DOCK6: variants seen among roughly 807,000 people sequenced by gnomAD.
DOCK6 encodes the protein dedicator of cytokinesis protein 6.
A neutral mutation model predicts 230.3 loss-of-function variants in DOCK6; 167 were observed. That is an observed-to-expected ratio of 0.73 (90% confidence interval 0.64 to 0.82). The LOEUF (loss-of-function observed/expected upper bound fraction) is 0.82. DOCK6 is among the 40% of genes least tolerant of loss of function. DOCK6 has a pLI of 0.00. For synonymous variants in DOCK6, 1,148 were observed against 1,185.0 expected (o/e 0.97, Z 0.64); for missense variants, 2,598 against 2,825.8 (o/e 0.92, Z 1.83).
chr19:11,211,968 G>T, intron 36 of DOCK6, 25 bp downstream of exon 36: 1 of 1,587,936 alleles, frequency 6.3e-7, no homozygotes, highest in Non-Finnish European at 8.6e-7. Flanking sequence ...AAGGGGAGGC[G>T]GGGCGGGGAC....
In DOCK6 at chr19:11,241,439, C is replaced by T. The variant is rs757450296; in HGVS notation, c.1643+606G>A. On this transcript the variant is annotated intron_variant, in intron 14 of 47. Coordinates refer to ENST00000294618, the MANE Select transcript of DOCK6 (RefSeq NM_020812.4). ...TCGGCTGAGGTTTCCATTCTGACCC[C>T]CACAGGCTCACGCTGACAAGCAGAG... The T allele has an allele frequency of 6.5e-6, 10 of 1,543,856 alleles. No individual in the cohort carries two copies. In the South Asian group the frequency reaches 9.5e-5, roughly 15 times the overall value.
At chr19:11,242,617 C>T (rs1393153630) in intron 13 of DOCK6, among the ~76,000 whole-genome samples, 1 of 151,986 alleles carries the variant, frequency 6.6e-6, no homozygotes, top group African/African-American at 2.4e-5. Flanking sequence ...GTCTCAAACT[C>T]CTGACCTCAA....
In DOCK6 at chr19:11,253,950, C is replaced by A. The variant is rs555819127; in HGVS notation, c.45-224G>T. On this transcript the variant is annotated intron_variant, in intron 1 of 47. Coordinates refer to ENST00000294618, the MANE Select transcript of DOCK6 (RefSeq NM_020812.4). ...ATGAGAATGCTGCCACCAGTGGGGT[C>A]TGAAGCCATCACGGACTCTCCTTCC... 5 of 448,338 alleles carry A rather than the reference C, an allele frequency of 1.1e-5. No individual in the cohort carries two copies. In the East Asian group the frequency reaches 1.6e-4, roughly 14 times the overall value. 27.8% of individuals were successfully genotyped at this position (448,338 alleles called of 1,614,324 possible).
chr19:11,262,400 T>C lies in DOCK6; in HGVS notation c.41A>G (p.Asn14Ser), dbSNP rs2080306304. The change falls in exon 1 of 48, where the codon AAC (asparagine) becomes AGC (serine). Residue 14 changes from asparagine to serine, a missense_variant. Physicochemically the swap from Asn to Ser is conservative, Grantham distance 46. Transcript: ENST00000294618. ...GGGGGCCCCGCGGCCACACTACCTG[T>C]TGATCTTGTGCGCGAAGGCGCGGCG... ...SERRAFAHKI[N>S]RTVAAEVRKQ... The C allele has an allele frequency of 1.6e-6, 2 of 1,282,372 alleles. No individual in the cohort carries two copies. The highest frequency in any genetic ancestry group is 1.5e-5 in the African/African-American group (1 of 65,482). 79.4% of individuals were successfully genotyped at this position (1,282,372 alleles called of 1,614,324 possible).
chr19:11,224,801 C>A (rs8101801), intron 24 of DOCK6, among the ~76,000 whole-genome samples: 21,425 of 151,870 alleles, frequency 0.14, 2,513 homozygotes, highest in African/African-American at 0.3. Context: ...ATGGTGGCTC[C>A]TGCCTGTAAT....
At chr19:11,235,788 A>G in intron 20 of DOCK6, 29 bp from the exon 21 acceptor site, 1 of 1,561,784 alleles carries the variant, frequency 6.4e-7, no homozygotes. Flanking sequence ...GTCAAGTTCC[A>G]GGGCCCAAGG....
Position 11,200,066 on chromosome 19 carries a change from C to T in DOCK6, c.6101+242G>A, listed in dbSNP as rs2079141736. Among the ~76,000 whole-genome samples, 1 of 149,742 alleles carries T rather than the reference C, an allele frequency of 6.7e-6. No individual in the cohort carries two copies. Among genetic ancestry groups the T allele is most frequent in the African/African-American group, 2.5e-5 (1 of 40,582 alleles). On this transcript the variant is annotated intron_variant, in intron 47 of 47. Transcript: ENST00000294618. This position sits in a 1 kb window ranked among gnomAD's most constrained non-coding sequence, Gnocchi z 4.3. ...TCAGGAGGCTGAGGCAGGAGACTCG[C>T]TTGAATCTGGGAGGCGGAGGTTGCA...
chr19:11,234,947 A>G (rs535057124), intron 21 of DOCK6, among the ~76,000 whole-genome samples: 1 of 143,950 alleles, frequency 6.9e-6, no homozygotes, highest in Admixed American at 6.9e-5. Flanking sequence ...TTTCTTTCTT[A>G]TTTTTTTTTT....
intron 1 of DOCK6, among the ~76,000 whole-genome samples, chr19:11,256,755 G>A (rs2080203523): frequency 6.6e-6 from 1 of 152,182 alleles, no homozygotes; most frequent in Non-Finnish European, 1.5e-5. Context: ...TCAGCTCACT[G>A]CAACCTCCAC....
rs376149847 is a variant in DOCK6, at chr19:11,238,078, C to T, written c.1799G>A (p.Arg600His). The change falls in exon 16 of 48, where the codon CGC becomes CAC. Residue 600 changes from arginine to histidine, a missense_variant. Arg to His is a conservative substitution (Grantham distance 29, BLOSUM62 0). Transcript: ENST00000294618. ...FGKSSCSEFT[R>H]EAFTPVVYHN... is the part of the protein sequence containing the mutation. ...GTAGACCACCGGTGTGAAGGCCTCGCGGGTAAATTCACTGCAGCTGGACTT... is the reference window on the plus strand; with the variant it reads ...GTAGACCACCGGTGTGAAGGCCTCGTGGGTAAATTCACTGCAGCTGGACTT... 36 of 1,613,778 alleles carry T rather than the reference C, an allele frequency of 2.2e-5. No individual in the cohort carries two copies. The highest frequency in any genetic ancestry group is 2.1e-4 in the African/African-American group (16 of 74,882).
chr19:11,211,582 CAG>C (rs2147742336), intron 37 of DOCK6, among the ~76,000 whole-genome samples, 192 bp downstream of exon 37: 2 of 24,540 alleles, frequency 8.1e-5, no homozygotes, highest in African/African-American at 2.5e-4. Context: ...CCTGTCTGCT[CAG>C]CTGTCTGCTC....
intron 9 of DOCK6, among the ~76,000 whole-genome samples, chr19:11,245,232 A>C (rs1026022066): frequency 1.9e-4 from 29 of 152,216 alleles, no homozygotes; most frequent in African/African-American, 6.8e-4. Flanking sequence ...ATCTCAAATG[A>C]GGGTGCCAAC....
At chr19:11,225,725 C>T (rs1362905816) in intron 24 of DOCK6, among the ~76,000 whole-genome samples, 7 of 150,652 alleles carry the variant, frequency 4.6e-5, no homozygotes. Flanking sequence ...AAAACAAAAC[C>T]ACACACAAAA....
chr19:11,261,846 C>CA lies in DOCK6; in HGVS notation c.44+550_44+551insT, dbSNP rs200384465. On this transcript the variant is annotated intron_variant, in intron 1 of 47. Coordinates refer to ENST00000294618, the MANE Select transcript of DOCK6 (RefSeq NM_020812.4). Reference sequence around the variant, plus strand: ...GGCGTCCACAGCTGTCCCCCTTCCCCCCCCCCGACAGCTGGGCACTGGACC... The same window carrying CA: ...GGCGTCCACAGCTGTCCCCCTTCCCCACCCCCCGACAGCTGGGCACTGGACC... Among the ~76,000 whole-genome samples, 1,386 of 152,084 alleles carry CA rather than the reference C, an allele frequency of 9.1e-3. 27 individuals are homozygous for CA. The highest frequency in any genetic ancestry group is 0.031 in the African/African-American group (1,286 of 41,462).
chr19:11,215,979 G>A, intron 30 of DOCK6, 52 bp from the exon 31 acceptor site: 3 of 1,608,082 alleles, frequency 1.9e-6, no homozygotes, highest in Non-Finnish European at 2.6e-6. Flanking sequence ...TTTTCGGGGG[G>A]ACCTGGGCTG....
chr19:11,210,225 C>T (rs2079354271), intron 37 of DOCK6, among the ~76,000 whole-genome samples: 2 of 149,672 alleles, frequency 1.3e-5, no homozygotes, highest in South Asian at 2.2e-4. Context: ...CACCCCTCAC[C>T]TGTCCATCCC....
intron 14 of DOCK6, chr19:11,239,969 A>C: frequency 6.4e-7 from 1 of 1,558,048 alleles, no homozygotes; most frequent in Non-Finnish European, 8.7e-7. Context: ...TGGGGTGGCC[A>C]GGAGTCCAAA....
In DOCK6 at chr19:11,261,804, G is replaced by A. The variant is rs540000744; in HGVS notation, c.44+593C>T. Reference sequence around the variant, plus strand: ...GGTCCAGCCCGTGACGGGAGAGCCTGAAGCAGAAGGTGGGGGGGCGTCCAC... The same window carrying A: ...GGTCCAGCCCGTGACGGGAGAGCCTAAAGCAGAAGGTGGGGGGGCGTCCAC... On this transcript the variant is annotated intron_variant, in intron 1 of 47. Transcript: ENST00000294618. Among the ~76,000 whole-genome samples the A allele has an allele frequency of 2.2e-4, 34 of 151,758 alleles. 1 individual carries two copies. The South Asian group carries it at 7.1e-3, about 32-fold the overall frequency.
chr19:11,241,993 G>A (rs1163871662), intron 14 of DOCK6, 52 bp downstream of exon 14: 5 of 1,527,260 alleles, frequency 3.3e-6, no homozygotes, highest in East Asian at 2.4e-5. Flanking sequence ...CACCCAGCAT[G>A]ATGTATGAAT....
Sources: gnomAD v4.1 joint callset for allele counts (sites outside exome capture counted in the v4.1 genomes callset) on GRCh38, gnomAD v4.1.1 for gene constraint, Gnocchi (gnomAD v3.1) non-coding constraint, MANE v1.5 for transcripts, NCBI Gene and HGNC (gene_info 2026-07-23, HGNC 2026-07-21) for gene names.